SPOCK3: variants seen among roughly 807,000 people sequenced by gnomAD.
SPOCK3 encodes the protein SPARC (osteonectin), cwcv and kazal like domains proteoglycan 3, also known as testican-3.
In SPOCK3, 30 loss-of-function variants were observed where a neutral mutation model predicts 56.6. The ratio of observed to expected loss-of-function variants is 0.53; its 90% CI spans 0.40 to 0.72. The LOEUF (loss-of-function observed/expected upper bound fraction) is 0.72. SPOCK3 is among the 30% of genes least tolerant of loss of function. The probability of loss-of-function intolerance (pLI) is 0.00; values close to 1 mark genes in which losing one functional copy is unlikely to be tolerated. For missense variants in SPOCK3, 527 were observed against 530.0 expected, an observed-to-expected ratio of 0.99 and a Z score of 0.06; for synonymous variants, 196 against 183.3, an observed-to-expected ratio of 1.07 and a Z score of -0.56.
chr4:167,137,280 A>G (rs1214268424), intron 2 of SPOCK3, among the ~76,000 whole-genome samples: 1 of 151,948 alleles, frequency 6.6e-6, no homozygotes, highest in African/African-American at 2.4e-5. Flanking sequence ...AAAATCATAA[A>G]TACAGTCATT....
In SPOCK3 at chr4:167,108,972, T is replaced by A. The variant is rs79829908; in HGVS notation, c.190-46435A>T. 5.3e-3 allele frequency among the ~76,000 whole-genome samples: 273 copies of A among 51,570 alleles called. 7 individuals are homozygous for A. The highest frequency in any genetic ancestry group is 0.011 in the East Asian group (17 of 1,556). The allele number at this position is 51,570 out of a possible 152,430, so 33.8% of individuals were successfully genotyped here. ...TATAAATATTATATATATAAATATA[T>A]AAATATTATAAATATATATTTATAT... On this transcript the variant is annotated intron_variant, in intron 2 of 10. Coordinates refer to ENST00000357545, the MANE Select transcript of SPOCK3 (RefSeq NM_001040159.2).
intron 2 of SPOCK3, among the ~76,000 whole-genome samples, chr4:167,181,692 G>A (rs1731467941): frequency 6.6e-6 from 1 of 152,096 alleles, no homozygotes; most frequent in African/African-American, 2.4e-5. Context: ...TCTTCTAACT[G>A]GAAAGCTCTT....
chr4:166,857,978 C>A (rs1730864569), intron 6 of SPOCK3, among the ~76,000 whole-genome samples: 1 of 152,144 alleles, frequency 6.6e-6, no homozygotes, highest in Admixed American at 6.5e-5. Flanking sequence ...CTAACCCTGG[C>A]CAATTCTTTT....
intron 3 of SPOCK3, among the ~76,000 whole-genome samples, chr4:167,015,125 C>T (rs1426872284): frequency 1.3e-5 from 2 of 151,978 alleles, no homozygotes; most frequent in Non-Finnish European, 2.9e-5. Flanking sequence ...AGAGGGTGCT[C>T]CTCTAGAAGG....
chr4:167,158,834 G>A (rs1765038549), intron 2 of SPOCK3, among the ~76,000 whole-genome samples: 1 of 151,798 alleles, frequency 6.6e-6, no homozygotes, highest in Non-Finnish European at 1.5e-5. Context: ...ATGTAACTGA[G>A]GTAAATGTTC....
At chr4:167,176,039 G>A (rs1730953162) in intron 2 of SPOCK3, among the ~76,000 whole-genome samples, 1 of 152,052 alleles carries the variant, frequency 6.6e-6, no homozygotes. Context: ...AGGTGCTATA[G>A]AATGCTATCC....
chr4:166,872,075 CAT>C lies in SPOCK3; in HGVS notation c.589+17053_589+17054del, dbSNP rs201790375. Among the ~76,000 whole-genome samples, 767 of 104,732 alleles carry C rather than the reference CAT, an allele frequency of 7.3e-3. 14 individuals are homozygous for C. Among genetic ancestry groups the C allele is most frequent in the Admixed American group, 0.063 (665 of 10,558 alleles). The allele number at this position is 104,732 out of a possible 152,430, so 68.7% of individuals were successfully genotyped here. On this transcript the variant is annotated intron_variant, in intron 6 of 10. Transcript: ENST00000357545. Reference sequence around the variant, plus strand: ...AAACATACACACACACACACACACACATATATATATATAATCTTAAGTATTTT... The same window carrying C: ...AAACATACACACACACACACACACACATATATATATAATCTTAAGTATTTT...
intron 7 of SPOCK3, among the ~76,000 whole-genome samples, chr4:166,764,558 T>C (rs1281176611): frequency 1.3e-4 from 20 of 152,192 alleles, no homozygotes; most frequent in Admixed American, 6.5e-4. Flanking sequence ...CCACGGTGTA[T>C]ATGTGCCACA....
chr4:167,094,618 G>A (rs1758988661), intron 2 of SPOCK3, among the ~76,000 whole-genome samples: 1 of 152,028 alleles, frequency 6.6e-6, no homozygotes, highest in African/African-American at 2.4e-5. Flanking sequence ...AGGAATAGAA[G>A]TCAACATTTT....
chr4:167,199,343 T>G (rs1419658731), intron 2 of SPOCK3, among the ~76,000 whole-genome samples: 2 of 151,762 alleles, frequency 1.3e-5, no homozygotes, highest in African/African-American at 2.4e-5. Context: ...TGCTGATGGC[T>G]TATAGGTGAG....
chr4:166,804,003 G>A (rs1742887268), intron 6 of SPOCK3, among the ~76,000 whole-genome samples: 1 of 152,188 alleles, frequency 6.6e-6, no homozygotes. Flanking sequence ...CTGAAAGAAA[G>A]AAGGGTTCAC....
intron 2 of SPOCK3, among the ~76,000 whole-genome samples, chr4:167,167,472 C>A (rs1210989270): frequency 6.6e-6 from 1 of 152,156 alleles, no homozygotes; most frequent in Admixed American, 6.6e-5. Flanking sequence ...CAAACTCCAT[C>A]TGCCTATTAA....
chr4:166,778,380 T>A (rs1247947482), intron 7 of SPOCK3, among the ~76,000 whole-genome samples: 1 of 152,128 alleles, frequency 6.6e-6, no homozygotes, highest in Non-Finnish European at 1.5e-5. Context: ...CGAAGTAAAA[T>A]CATTCAAATG....
In SPOCK3 at chr4:166,956,457, T is replaced by C. The variant is rs539161013; in HGVS notation, c.351-43714A>G. On this transcript the variant is annotated intron_variant, in intron 4 of 10. Coordinates refer to ENST00000357545, the MANE Select transcript of SPOCK3 (RefSeq NM_001040159.2). ...TCCAATAACCAAACCAGCTACTAAT[T>C]GACAAATGGGTAAGTAGCACATACA... is the stretch of plus-strand genomic sequence containing the variant. Among the ~76,000 whole-genome samples, 4 of 152,158 alleles carry C rather than the reference T, an allele frequency of 2.6e-5. No individual in the cohort carries two copies. In the East Asian group the frequency reaches 7.8e-4, roughly 29 times the overall value.
chr4:166,800,379 T>A (rs1450051692), intron 6 of SPOCK3, among the ~76,000 whole-genome samples: 2 of 151,898 alleles, frequency 1.3e-5, no homozygotes, highest in Admixed American at 6.6e-5. Flanking sequence ...CTTGGTCAGA[T>A]CCTTCAGGAG....
Position 166,737,519 on chromosome 4 carries a change from G to A in SPOCK3, c.1080C>T (p.Asp360=), listed in dbSNP as rs112005906. The A allele has an allele frequency of 1.8e-5, 29 of 1,613,072 alleles. 1 individual carries two copies. The African/African-American group carries it at 2.5e-4, about 14-fold the overall frequency. ...ATCCCATGACTTCATTTCCATATCT[G>A]TCAACACACCAGCACTGTCCAACAC... ...HGSVGQCWCV[D]RYGNEVMGSR... Residue 360 remains aspartate, a synonymous_variant, in exon 10 of 11, where the codon GAC becomes GAT. Coordinates refer to ENST00000357545, the MANE Select transcript of SPOCK3 (RefSeq NM_001040159.2).
rs575217323 is a variant in SPOCK3, at chr4:167,153,714, G to T, written c.189+80271C>A. On this transcript the variant is annotated intron_variant, in intron 2 of 10. Coordinates refer to ENST00000357545, the MANE Select transcript of SPOCK3 (RefSeq NM_001040159.2). ...TAGCAGTATTTTTCCTAGCATGTTAGATGTCTATTAAACACAGTGAATACT... is the reference window on the plus strand; with the variant it reads ...TAGCAGTATTTTTCCTAGCATGTTATATGTCTATTAAACACAGTGAATACT... Among the ~76,000 whole-genome samples, 287 of 152,254 alleles carry T rather than the reference G, an allele frequency of 1.9e-3. 1 individual carries two copies. Among genetic ancestry groups the T allele is most frequent in the Non-Finnish European group, 1.4e-3 (95 of 68,018 alleles).
intron 5 of SPOCK3, among the ~76,000 whole-genome samples, chr4:166,910,131 T>C (rs899779858): frequency 6.6e-6 from 1 of 152,154 alleles, no homozygotes; most frequent in Non-Finnish European, 1.5e-5. Context: ...CATTGTTTTA[T>C]ATAGCTCAGT....
At chr4:167,041,327 ATAT>A (rs1421831070) in intron 3 of SPOCK3, among the ~76,000 whole-genome samples, 3 of 152,194 alleles carry the variant, frequency 2.0e-5, no homozygotes, top group African/African-American at 4.8e-5. Context: ...ATGACAGCTA[ATAT>A]TATTAAATTT....
Sources: allele counts gnomAD v4.1 joint callset (sites outside exome capture counted in the v4.1 genomes callset), GRCh38; gene constraint gnomAD v4.1.1; transcripts MANE v1.5; gene names NCBI Gene and HGNC (gene_info 2026-07-23, HGNC 2026-07-21).